The following NKAIN2 variants were observed in gnomAD, a reference collection of about 807,000 sequenced individuals.
NKAIN2 encodes sodium/potassium-transporting ATPase subunit beta-1-interacting protein 2.
Under a neutral mutation model 32.6 loss-of-function variants are expected in NKAIN2, and 14 were observed. The observed-to-expected ratio is 0.43, with a 90% CI of 0.28 to 0.67. The LOEUF (loss-of-function observed/expected upper bound fraction) is 0.67. Among genes scored for constraint, NKAIN2 ranks in the 30% least tolerant of loss-of-function variants. The probability of loss-of-function intolerance (pLI) is 0.17; values close to 1 mark genes in which losing one functional copy is unlikely to be tolerated. For synonymous variants in NKAIN2, 80 were observed against 87.2 expected (o/e 0.92, Z 0.46); for missense variants, 198 against 258.3 (o/e 0.77, Z 1.60).
At chr6:124,616,697 C>G (rs1782917642) in intron 3 of NKAIN2, among the ~76,000 whole-genome samples, 1 of 151,324 alleles carries the variant, frequency 6.6e-6, no homozygotes, top group African/African-American at 2.4e-5. Flanking sequence ...ATCTCCTGAC[C>G]TCGTGATCTA....
At position 124,821,683 on chromosome 6, in the gene NKAIN2, C is replaced by G. The variant is rs570494168; in HGVS notation, c.618-1537C>G. 2.6e-5 allele frequency among the ~76,000 whole-genome samples: 4 copies of G among 152,212 alleles called. No homozygotes were observed. The East Asian group carries it at 7.7e-4, about 29-fold the overall frequency. On this transcript the variant is annotated intron_variant, in intron 6 of 6. Coordinates refer to ENST00000368417, the MANE Select transcript of NKAIN2 (RefSeq NM_001040214.3). Reference sequence around the variant, plus strand: ...CTGCATGAGAGTGGTAAAATTGTATCAGAGATTTCAAGTCTCACTGGTCAT... The same window carrying G: ...CTGCATGAGAGTGGTAAAATTGTATGAGAGATTTCAAGTCTCACTGGTCAT...
At chr6:124,628,799 C>A (rs987313944) in intron 3 of NKAIN2, among the ~76,000 whole-genome samples, 10 of 151,848 alleles carry the variant, frequency 6.6e-5, no homozygotes, top group African/African-American at 2.4e-4. Flanking sequence ...AGCTTCCAGG[C>A]ATAAATTCTG....
At chr6:124,040,759 C>A (rs186046780) in intron 1 of NKAIN2, among the ~76,000 whole-genome samples, 1 of 151,836 alleles carries the variant, frequency 6.6e-6, no homozygotes, top group Non-Finnish European at 1.5e-5. Context: ...TGTGTTACCA[C>A]GAACAAGTTA....
intron 1 of NKAIN2, among the ~76,000 whole-genome samples, chr6:124,271,090 A>G (rs547061849): frequency 2.0e-5 from 3 of 152,122 alleles, no homozygotes; most frequent in Non-Finnish European, 4.4e-5. Context: ...TATAAGTGGC[A>G]GTTTTTTTCT....
intron 1 of NKAIN2, among the ~76,000 whole-genome samples, chr6:124,072,640 TACA>T (rs1169166352): frequency 1.3e-5 from 2 of 152,194 alleles, no homozygotes; most frequent in African/African-American, 4.8e-5. Context: ...CTTTGCTCTC[TACA>T]ACATTTCTAT....
At chr6:124,322,059 G>C (rs754353385) in intron 2 of NKAIN2, among the ~76,000 whole-genome samples, 8 of 152,066 alleles carry the variant, frequency 5.3e-5, no homozygotes, top group African/African-American at 1.7e-4. Flanking sequence ...TGATAAAATA[G>C]TTTTGCATAT....
intron 1 of NKAIN2, among the ~76,000 whole-genome samples, chr6:124,223,958 C>T (rs1791969930): frequency 6.6e-6 from 1 of 152,080 alleles, no homozygotes; most frequent in Admixed American, 6.6e-5. Flanking sequence ...TGAGATGGTG[C>T]ATGGACAGGG....
intron 3 of NKAIN2, among the ~76,000 whole-genome samples, chr6:124,449,560 A>G (rs1334441874): frequency 5.3e-5 from 8 of 152,140 alleles, no homozygotes; most frequent in Non-Finnish European, 1.0e-4. Context: ...AGTGCTGAGG[A>G]AGATTAAGTA....
At chr6:123,981,255 G>A (rs981994188) in intron 1 of NKAIN2, among the ~76,000 whole-genome samples, 1 of 152,094 alleles carries the variant, frequency 6.6e-6, no homozygotes, top group Non-Finnish European at 1.5e-5. Flanking sequence ...TACTGTCTTT[G>A]AAGGTAAAGA....
At chr6:123,805,795 T>C (rs1244980193) in intron 1 of NKAIN2, among the ~76,000 whole-genome samples, 2 of 152,186 alleles carry the variant, frequency 1.3e-5, no homozygotes, top group African/African-American at 4.8e-5. Context: ...AGAATACATT[T>C]GCTGATTCAC....
intron 4 of NKAIN2, among the ~76,000 whole-genome samples, chr6:124,759,639 ACACACACACACACACACC>A (rs1279533347): frequency 0.016 from 1,531 of 97,876 alleles, 54 homozygotes; most frequent in Middle Eastern, 0.046. Context: ...ACACACACAC[ACACACACACACACACACC>A]CCCTATCTCC....
intron 3 of NKAIN2, among the ~76,000 whole-genome samples, chr6:124,624,476 T>C (rs139040187): frequency 6.6e-6 from 1 of 152,310 alleles, no homozygotes; most frequent in African/African-American, 2.4e-5. Context: ...TGAGTTCAGT[T>C]GTAATGTTTA....
At chr6:124,204,998 C>T (rs1421842386) in intron 1 of NKAIN2, among the ~76,000 whole-genome samples, 2 of 150,730 alleles carry the variant, frequency 1.3e-5, no homozygotes, top group Admixed American at 1.3e-4. Context: ...AAAAAAAAGC[C>T]TATATATCAA....
At chr6:124,821,470 A>G (rs890063928) in intron 6 of NKAIN2, among the ~76,000 whole-genome samples, 1 of 152,160 alleles carries the variant, frequency 6.6e-6, no homozygotes, top group Admixed American at 6.5e-5. Flanking sequence ...TGCTAATTAT[A>G]TACAATTTAA....
chr6:123,976,826 T>A (rs1467976569), intron 1 of NKAIN2, among the ~76,000 whole-genome samples: 1 of 152,206 alleles, frequency 6.6e-6, no homozygotes, highest in Non-Finnish European at 1.5e-5. Context: ...TACAAAATTG[T>A]GAACTTTTTA....
At chr6:124,402,629 A>G (rs1773673650) in intron 3 of NKAIN2, among the ~76,000 whole-genome samples, 1 of 152,250 alleles carries the variant, frequency 6.6e-6, no homozygotes, top group Non-Finnish European at 1.5e-5. Context: ...CACACAAAAC[A>G]AACAATGTCA....
intron 1 of NKAIN2, among the ~76,000 whole-genome samples, chr6:124,049,870 G>A (rs1215786134): frequency 3.9e-5 from 6 of 152,124 alleles, no homozygotes; most frequent in South Asian, 2.1e-4. Flanking sequence ...CAGAGTGCAA[G>A]AGTAGTGATA....
intron 4 of NKAIN2, among the ~76,000 whole-genome samples, chr6:124,713,914 G>T (rs1775621262): frequency 6.6e-6 from 1 of 152,188 alleles, no homozygotes; most frequent in Non-Finnish European, 1.5e-5. Flanking sequence ...GTGATTAAAG[G>T]ACCTTCAGTA....
At chr6:123,891,994 G>A (rs1774041144) in intron 1 of NKAIN2, among the ~76,000 whole-genome samples, 1 of 152,106 alleles carries the variant, frequency 6.6e-6, no homozygotes, top group African/African-American at 2.4e-5. Context: ...CTGTGGATGA[G>A]GCCAGTTTTT....
Sources: allele counts gnomAD v4.1 joint callset (sites outside exome capture counted in the v4.1 genomes callset), GRCh38; gene constraint gnomAD v4.1.1; transcripts MANE v1.5; gene names NCBI Gene and HGNC (gene_info 2026-07-23, HGNC 2026-07-21).